Variants in FAM117A observed in about 807,000 individuals in gnomAD.
FAM117A encodes protein FAM117A.
FAM117A carries 21 observed loss-of-function variants against 44.1 expected under a neutral mutation model. That is an observed-to-expected ratio of 0.48 (90% CI 0.34 to 0.69). FAM117A has a LOEUF of 0.69. Ranked by LOEUF, FAM117A falls within the 30% of genes least tolerant of loss-of-function variation. The probability of loss-of-function intolerance (pLI) is 0.01; values close to 1 mark genes in which losing one functional copy is unlikely to be tolerated. For synonymous variants in FAM117A, 220 were observed against 238.3 expected (o/e 0.92, Z 0.71); for missense variants, 498 against 589.9 (o/e 0.84, Z 1.61).
At chr17:49,714,265 A>G (rs1276302005) in intron 7 of FAM117A, among the ~76,000 whole-genome samples, 1 of 152,184 alleles carries the variant, frequency 6.6e-6, no homozygotes, top group Non-Finnish European at 1.5e-5. Flanking sequence ...TTAAATAAAG[A>G]AACCTCAGTG....
At chr17:49,749,301 GGC>G (rs2073665909) in intron 1 of FAM117A, among the ~76,000 whole-genome samples, 2 of 152,072 alleles carry the variant, frequency 1.3e-5, no homozygotes, top group South Asian at 4.1e-4. Flanking sequence ...ATGAAGGCCA[GGC>G]GCAGTGGCTC....
rs549225405 is a variant in FAM117A at position 49,710,524 on chromosome 17, G to A, written c.*731C>T. The A allele has an allele frequency of 1.3e-5, 2 of 152,642 alleles. No homozygotes were observed. Among genetic ancestry groups the A allele is most frequent in the East Asian group, 1.9e-4 (1 of 5,168 alleles). The allele number at this position is 152,642 out of a possible 1,614,324, so 9.5% of individuals were successfully genotyped here. On this transcript the variant is annotated 3_prime_UTR_variant, in exon 8 of 8. Transcript: ENST00000240364. ...TGGGAGAAAATAGAGTCTCTACATC[G>A]ATACAAGAAAAATAGGCATTTTTCT...
intron 2 of FAM117A, among the ~76,000 whole-genome samples, chr17:49,723,637 G>A (rs897128409): frequency 8.5e-5 from 13 of 152,176 alleles, no homozygotes; most frequent in Non-Finnish European, 1.8e-4. Flanking sequence ...TCCCCCGAGA[G>A]GTTGTTGCAA....
chr17:49,726,595 G>C (rs2073561048), intron 2 of FAM117A, among the ~76,000 whole-genome samples: 1 of 152,220 alleles, frequency 6.6e-6, no homozygotes, highest in Non-Finnish European at 1.5e-5. Context: ...AGTGGGGACT[G>C]TGTCCCCAGT....
At chr17:49,736,260 C>CTT (rs372494710) in intron 1 of FAM117A, among the ~76,000 whole-genome samples, 2 of 144,040 alleles carry the variant, frequency 1.4e-5, no homozygotes, top group African/African-American at 2.5e-5. Context: ...GGCTCTCTTT[C>CTT]TTTTTTTTTT....
At chr17:49,780,518 C>T (rs1410976171) in intron 1 of FAM117A, among the ~76,000 whole-genome samples, 1 of 152,044 alleles carries the variant, frequency 6.6e-6, no homozygotes, top group Non-Finnish European at 1.5e-5. Flanking sequence ...GTAACTGGGA[C>T]TACAGGTCCA....
At position 49,720,397 on chromosome 17, in the gene FAM117A, T is replaced by C; in HGVS notation, c.502A>G (p.Ser168Gly). Reference protein sequence around the residue: ...LKQQLQRTKLSRSGKEKERGS... With the variant: ...LKQQLQRTKLGRSGKEKERGS... ...CGCTCCTTCTCTTTCCCACTGCGGC[T>C]CAGCTTCGTCCTCTGCAGTTGTTGC... Residue 168 changes from serine (S) to glycine (G), a missense_variant, in exon 4 of 8, where the codon AGC becomes GGC. Around this residue, in one of 3 missense-constraint regions of FAM117A, gnomAD observed 270 missense variants for 277.4 expected, o/e 0.97. Transcript: ENST00000240364. 1 of 1,613,806 alleles carries C rather than the reference T, an allele frequency of 6.2e-7. No homozygotes were observed. The highest frequency in any genetic ancestry group is 8.5e-7 in the Non-Finnish European group (1 of 1,180,018).
intron 1 of FAM117A, among the ~76,000 whole-genome samples, chr17:49,779,330 C>T (rs892534489): frequency 1.2e-4 from 19 of 152,228 alleles, no homozygotes; most frequent in African/African-American, 4.3e-4. Flanking sequence ...GGAGAACAGT[C>T]ATGACGGTCT....
intron 1 of FAM117A, among the ~76,000 whole-genome samples, chr17:49,788,052 T>A (rs886431784): frequency 6.6e-6 from 1 of 152,202 alleles, no homozygotes; most frequent in Non-Finnish European, 1.5e-5. Context: ...TGGGAATTAT[T>A]TGACCTGCAG....
chr17:49,775,071 C>T (rs1330838834), intron 1 of FAM117A, among the ~76,000 whole-genome samples: 1 of 152,180 alleles, frequency 6.6e-6, no homozygotes, highest in Non-Finnish European at 1.5e-5. Context: ...TCACTGCAAC[C>T]TCTGCCTCCC....
At chr17:49,736,957 C>G (rs528521636) in intron 1 of FAM117A, among the ~76,000 whole-genome samples, 88 of 152,364 alleles carry the variant, frequency 5.8e-4, no homozygotes, top group Middle Eastern at 3.4e-3. Flanking sequence ...AAGCATAGGG[C>G]TGGCAATTGG....
In FAM117A at chr17:49,710,706, A is replaced by T. The variant is rs1160916611; in HGVS notation, c.*549T>A. On this transcript the variant is annotated 3_prime_UTR_variant, in exon 8 of 8. Transcript: ENST00000240364. ...AGGGTGAAAGCGAGATGAAAATGCC[A>T]CTTGGGAAAACACTTGTTTCCTCCC... 1 of 152,834 alleles carries T rather than the reference A, an allele frequency of 6.5e-6. No homozygotes were observed. Among genetic ancestry groups the T allele is most frequent in the Admixed American group, 6.5e-5 (1 of 15,288 alleles). 9.5% of individuals were successfully genotyped at this position (152,834 alleles called of 1,614,324 possible). A position where few individuals can be genotyped will look rare whatever the true frequency, so the allele number is the denominator to read the frequency against.
chr17:49,769,921 A>G (rs1235751095), intron 1 of FAM117A, among the ~76,000 whole-genome samples: 2 of 152,042 alleles, frequency 1.3e-5, no homozygotes, highest in Non-Finnish European at 2.9e-5. Context: ...AGAGACAAGC[A>G]AAGGACCAGG....
chr17:49,717,194 C>G (rs2073508424), intron 6 of FAM117A, among the ~76,000 whole-genome samples: 1 of 152,206 alleles, frequency 6.6e-6, no homozygotes, highest in African/African-American at 2.4e-5. Flanking sequence ...ACAGTGGACA[C>G]CTGAATGAAG....
intron 7 of FAM117A, among the ~76,000 whole-genome samples, chr17:49,711,859 C>T (rs776660028): frequency 5.9e-5 from 9 of 152,192 alleles, no homozygotes; most frequent in Non-Finnish European, 1.3e-4. Flanking sequence ...AAGATTTCAT[C>T]AGTGGCCGGG....
intron 1 of FAM117A, 159 bp from the exon 2 acceptor site, chr17:49,732,879 G>A: frequency 1.4e-6 from 1 of 722,754 alleles, no homozygotes. Context: ...CAGCACATAT[G>A]GTCTGACAAG....
intron 1 of FAM117A, among the ~76,000 whole-genome samples, chr17:49,783,531 C>T (rs2073796339): frequency 6.6e-6 from 1 of 151,992 alleles, no homozygotes; most frequent in African/African-American, 2.4e-5. Context: ...CCAATAACTT[C>T]TCCCAGGGTG....
At chr17:49,736,102 A>G (rs1208522705) in intron 1 of FAM117A, among the ~76,000 whole-genome samples, 1 of 152,182 alleles carries the variant, frequency 6.6e-6, no homozygotes, top group Non-Finnish European at 1.5e-5. Flanking sequence ...GTGTGTATAT[A>G]TACGCTTTAC....
At chr17:49,754,024 T>C (rs2073687668) in intron 1 of FAM117A, among the ~76,000 whole-genome samples, 1 of 152,208 alleles carries the variant, frequency 6.6e-6, no homozygotes, top group Admixed American at 6.5e-5. Flanking sequence ...GTGGTTCACA[T>C]AGCCCTTCTC....
Sources: gnomAD v4.1 joint callset for allele counts (sites outside exome capture counted in the v4.1 genomes callset) on GRCh38, gnomAD v4.1.1 for gene constraint, gnomAD v4.1.1 regional missense constraint, MANE v1.5 for transcripts, NCBI Gene and HGNC (gene_info 2026-07-23, HGNC 2026-07-21) for gene names.